Variants in NELL1 observed in about 807,000 individuals in gnomAD.
The protein encoded by NELL1 is protein kinase C-binding protein NELL1.
A neutral mutation model predicts 107.4 loss-of-function variants in NELL1; 76 were observed. The ratio of observed to expected loss-of-function variants is 0.71; its 90% CI spans 0.59 to 0.86. The LOEUF is 0.86. Ranked by LOEUF, NELL1 falls within the 40% of genes least tolerant of loss-of-function variation. The pLI, the probability that NELL1 is intolerant of heterozygous loss-of-function variation, is 0.00. For synonymous variants in NELL1, 353 were observed against 341.2 expected, an observed-to-expected ratio of 1.03 and a Z score of -0.38; for missense variants, 1,024 against 1,005.5, an observed-to-expected ratio of 1.02 and a Z score of -0.25.
chr11:21,093,084 A>G (rs1027667614), intron 12 of NELL1, among the ~76,000 whole-genome samples: 16 of 152,122 alleles, frequency 1.1e-4, no homozygotes, highest in Admixed American at 2.6e-4. Context: ...GGGTGGGAGG[A>G]GGAAAAGCCC....
chr11:21,528,902 T>C (rs1855926440), intron 15 of NELL1, among the ~76,000 whole-genome samples: 1 of 152,148 alleles, frequency 6.6e-6, no homozygotes, highest in South Asian at 2.1e-4. Flanking sequence ...TGATTAGTGC[T>C]GGGTTTTTTT....
At chr11:20,711,996 C>CT (rs1355063857) in intron 2 of NELL1, among the ~76,000 whole-genome samples, 2 of 152,096 alleles carry the variant, frequency 1.3e-5, no homozygotes, top group Non-Finnish European at 2.9e-5. Flanking sequence ...CTGTCTAGAT[C>CT]TTTAGTAAGG....
chr11:21,541,794 A>G (rs11026131), intron 16 of NELL1, among the ~76,000 whole-genome samples: 104,041 of 151,988 alleles, frequency 0.68, 38,440 homozygotes, highest in Non-Finnish European at 0.84. Flanking sequence ...TTTTTCTAAT[A>G]TGTGTTTTTA....
At chr11:20,911,097 C>G (rs894690204) in intron 5 of NELL1, among the ~76,000 whole-genome samples, 1 of 152,136 alleles carries the variant, frequency 6.6e-6, no homozygotes, top group Non-Finnish European at 1.5e-5. Flanking sequence ...ACAGTTCTTC[C>G]TATTATCTAT....
rs182373950 is a variant in NELL1, at chr11:21,158,839, T to C, written c.1426+45125T>C. 2.3e-3 allele frequency among the ~76,000 whole-genome samples: 348 copies of C among 152,316 alleles called. 2 individuals are homozygous for C. Among genetic ancestry groups the C allele is most frequent in the African/African-American group, 8.1e-3 (337 of 41,574 alleles). ...AAAATCTTACCTTTCTGTTATTTTT[T>C]TTCTCTTTTCAAGAAGCTTAGTTTT... On this transcript the variant is annotated intron_variant, in intron 13 of 19. Transcript: ENST00000357134.
intron 12 of NELL1, among the ~76,000 whole-genome samples, chr11:21,042,908 A>AT (rs565617216): frequency 3.0e-4 from 45 of 151,206 alleles, no homozygotes; most frequent in South Asian, 6.3e-4. Flanking sequence ...TGAAATGCCT[A>AT]TTTTTTTTTA....
intron 5 of NELL1, among the ~76,000 whole-genome samples, chr11:20,886,381 T>C (rs1849508682): frequency 6.6e-6 from 1 of 152,154 alleles, no homozygotes; most frequent in Non-Finnish European, 1.5e-5. Context: ...AATGACACAC[T>C]TTTGCTTCTG....
In NELL1 at chr11:21,294,840, A is replaced by G. The variant is rs77817784; in HGVS notation, c.1549+65386A>G. ...TGGACTAGGTTTCAGCGACAGATCA[A>G]TATCTGCTTTTGAAAAAAATACTAT... On this transcript the variant is annotated intron_variant, in intron 14 of 19. Transcript: ENST00000357134. Among the ~76,000 whole-genome samples the G allele has an allele frequency of 9.9e-4, 150 of 152,178 alleles. 1 individual carries two copies. The East Asian group carries it at 0.014, about 15-fold the overall frequency.
chr11:20,969,839 T>C (rs962159889), intron 12 of NELL1, among the ~76,000 whole-genome samples: 9 of 151,988 alleles, frequency 5.9e-5, no homozygotes, highest in Non-Finnish European at 4.4e-5. Context: ...ACTTTACCAA[T>C]TGGTTGTGGA....
chr11:20,900,381 A>G (rs1443864277), intron 5 of NELL1, among the ~76,000 whole-genome samples: 1 of 152,214 alleles, frequency 6.6e-6, no homozygotes. Context: ...TACTGGAAAT[A>G]GATTTGACCT....
At chr11:21,332,310 C>T (rs1291829884) in intron 14 of NELL1, among the ~76,000 whole-genome samples, 5 of 151,944 alleles carry the variant, frequency 3.3e-5, no homozygotes, top group African/African-American at 1.2e-4. Flanking sequence ...AGGTACTCTG[C>T]CCCCTTAATT....
chr11:21,522,205 G>C (rs1855742622), intron 15 of NELL1, among the ~76,000 whole-genome samples: 2 of 149,816 alleles, frequency 1.3e-5, no homozygotes, highest in South Asian at 4.2e-4. Context: ...CTGCACTCCA[G>C]CCTGGGTGAC....
intron 3 of NELL1, among the ~76,000 whole-genome samples, chr11:20,788,552 T>G (rs560897117): frequency 6.3e-5 from 9 of 143,854 alleles, no homozygotes; most frequent in Non-Finnish European, 1.3e-4. Context: ...GGATTCTTTG[T>G]CTTTCTATCA....
chr11:20,715,233 GA>G (rs1295570126), intron 2 of NELL1, among the ~76,000 whole-genome samples: 59 of 148,116 alleles, frequency 4.0e-4, no homozygotes, highest in African/African-American at 1.1e-3. Flanking sequence ...GACAGAGTGA[GA>G]AAAAAAAAAT....
intron 15 of NELL1, among the ~76,000 whole-genome samples, chr11:21,393,033 T>G (rs577398073): frequency 3.3e-5 from 5 of 151,782 alleles, no homozygotes; most frequent in African/African-American, 1.2e-4. Flanking sequence ...CACATGAAAT[T>G]TTATGTGAAA....
intron 2 of NELL1, among the ~76,000 whole-genome samples, chr11:20,774,214 C>T (rs1373222833): frequency 8.7e-6 from 1 of 114,450 alleles, no homozygotes; most frequent in Admixed American, 9.0e-5. Flanking sequence ...CTTACTTTCC[C>T]TCCCTCCTTC....
chr11:21,544,417 A>G (rs915300850), intron 16 of NELL1, among the ~76,000 whole-genome samples: 5 of 151,966 alleles, frequency 3.3e-5, no homozygotes, highest in Non-Finnish European at 5.9e-5. Flanking sequence ...GGTCAATGCT[A>G]TAAAATATAT....
At chr11:20,984,760 A>C (rs1851818189) in intron 12 of NELL1, among the ~76,000 whole-genome samples, 1 of 151,908 alleles carries the variant, frequency 6.6e-6, no homozygotes, top group Non-Finnish European at 1.5e-5. Flanking sequence ...AATGACCAAC[A>C]TTTATGATGA....
chr11:21,194,941 T>A (rs1263726780), intron 13 of NELL1, among the ~76,000 whole-genome samples: 1 of 152,080 alleles, frequency 6.6e-6, no homozygotes. Flanking sequence ...AGCCAACAAT[T>A]TTTGTTATCA....
Sources: allele counts gnomAD v4.1 joint callset (sites outside exome capture counted in the v4.1 genomes callset), GRCh38; gene constraint gnomAD v4.1.1; transcripts MANE v1.5; gene names NCBI Gene and HGNC (gene_info 2026-07-23, HGNC 2026-07-21).